Variants in CSTPP1 observed in about 807,000 individuals in gnomAD.
CSTPP1 encodes the protein centriolar satellite-associated tubulin polyglutamylase complex regulator 1, also known as UPF0705 protein C11orf49.
the CSTPP1 span, among the ~76,000 whole-genome samples, chr11:47,018,288 T>A: frequency 8.3e-6 from 1 of 120,632 alleles, no homozygotes; most frequent in East Asian, 2.5e-4. Flanking sequence ...TATGTTTAGC[T>A]TTTTTTTTTT....
At chr11:46,952,140 TCTTA>T in the CSTPP1 span, among the ~76,000 whole-genome samples, 1 of 152,226 alleles carries the variant, frequency 6.6e-6, no homozygotes, top group Non-Finnish European at 1.5e-5. Context: ...TTTCTTTCTT[TCTTA>T]CTTAATCCAA....
chr11:47,108,742 C>G, the CSTPP1 span, among the ~76,000 whole-genome samples: 8 of 134,458 alleles, frequency 5.9e-5, no homozygotes, highest in African/African-American at 2.0e-4. Context: ...AGTCTCACTG[C>G]GTCGCCCAGG....
chr11:47,101,236 G>T, the CSTPP1 span, among the ~76,000 whole-genome samples: 1 of 135,372 alleles, frequency 7.4e-6, no homozygotes, highest in Non-Finnish European at 1.5e-5. Context: ...GGTCAGGCTG[G>T]TCTTGAACTC....
chr11:46,960,020 C>T, the CSTPP1 span, among the ~76,000 whole-genome samples: 5 of 152,108 alleles, frequency 3.3e-5, no homozygotes, highest in African/African-American at 1.2e-4. Context: ...GCACATGCCA[C>T]CATACCTGGC....
the CSTPP1 span, chr11:46,936,702 C>T: frequency 6.5e-7 from 1 of 1,537,278 alleles, no homozygotes; most frequent in South Asian, 1.2e-5. Flanking sequence ...TCCTCCAGCT[C>T]CCGTCCCCCT....
the CSTPP1 span, among the ~76,000 whole-genome samples, chr11:47,069,888 G>A: frequency 6.6e-6 from 1 of 151,994 alleles, no homozygotes; most frequent in South Asian, 2.1e-4. Flanking sequence ...TAATTTTTGT[G>A]TTTTTAGTAG....
the CSTPP1 span, among the ~76,000 whole-genome samples, chr11:47,035,687 T>C: frequency 6.6e-6 from 1 of 152,308 alleles, no homozygotes; most frequent in African/African-American, 2.4e-5. Context: ...TAACTTTTTA[T>C]AACAGATTTG....
At chr11:47,034,357 G>T in the CSTPP1 span, among the ~76,000 whole-genome samples, 2 of 152,038 alleles carry the variant, frequency 1.3e-5, no homozygotes, top group African/African-American at 4.8e-5. Flanking sequence ...AAATAGTAGA[G>T]TTAGCCCATC....
the CSTPP1 span, among the ~76,000 whole-genome samples, chr11:47,070,088 G>A: frequency 6.6e-6 from 1 of 152,014 alleles, no homozygotes; most frequent in African/African-American, 2.4e-5. Context: ...ATTCTCTAAA[G>A]TAGATCTACC....
At chr11:47,050,009 T>C in the CSTPP1 span, among the ~76,000 whole-genome samples, 1 of 152,148 alleles carries the variant, frequency 6.6e-6, no homozygotes, top group Non-Finnish European at 1.5e-5. Context: ...CGTTAACATA[T>C]AGTGACTGTA....
chr11:47,105,564 T>C, the CSTPP1 span, among the ~76,000 whole-genome samples: 2 of 152,182 alleles, frequency 1.3e-5, no homozygotes, highest in Non-Finnish European at 1.5e-5. Context: ...ATTGAACACT[T>C]ACTGTGTCCT....
the CSTPP1 span, among the ~76,000 whole-genome samples, chr11:46,962,528 G>A: frequency 6.6e-6 from 1 of 152,144 alleles, no homozygotes; most frequent in South Asian, 2.1e-4. Context: ...TTTGTGGAGT[G>A]TGCCATTTAA....
the CSTPP1 span, among the ~76,000 whole-genome samples, chr11:47,124,065 A>G: frequency 7.0e-6 from 1 of 143,112 alleles, no homozygotes; most frequent in Non-Finnish European, 1.5e-5. Context: ...CGTCACAATT[A>G]TTGAGATTAA....
the CSTPP1 span, among the ~76,000 whole-genome samples, chr11:47,078,168 A>G: frequency 9.2e-5 from 14 of 152,218 alleles, no homozygotes; most frequent in African/African-American, 3.4e-4. Context: ...CAGTATAAAC[A>G]TATTATTTAA....
At chr11:46,960,586 C>T in the CSTPP1 span, among the ~76,000 whole-genome samples, 17 of 152,230 alleles carry the variant, frequency 1.1e-4, no homozygotes, top group South Asian at 1.9e-3. Flanking sequence ...GTTTGCTGGG[C>T]GCGGTGGCTA....
the CSTPP1 span, among the ~76,000 whole-genome samples, chr11:47,075,931 A>C: frequency 1.3e-5 from 2 of 149,738 alleles, no homozygotes; most frequent in African/African-American, 4.9e-5. Flanking sequence ...ATTCTCAAAA[A>C]AAAAAAAAAA....
the CSTPP1 span, among the ~76,000 whole-genome samples, chr11:46,958,595 C>T: frequency 6.6e-6 from 1 of 152,150 alleles, no homozygotes; most frequent in Admixed American, 6.5e-5. Flanking sequence ...CAAGTGTGAG[C>T]CACTATACCC....
At chr11:47,059,446 G>A in the CSTPP1 span, among the ~76,000 whole-genome samples, 13 of 152,188 alleles carry the variant, frequency 8.5e-5, no homozygotes, top group Admixed American at 2.0e-4. Context: ...TTCCATAATA[G>A]CACAAGGGAG....
At chr11:47,050,217 G>C in the CSTPP1 span, among the ~76,000 whole-genome samples, 1 of 152,144 alleles carries the variant, frequency 6.6e-6, no homozygotes, top group Non-Finnish European at 1.5e-5. Flanking sequence ...GTAAGATATA[G>C]ACTTTCAATA....
Sources: gnomAD v4.1 joint callset for allele counts (sites outside exome capture counted in the v4.1 genomes callset) on GRCh38, gnomAD v4.1.1 for gene constraint, MANE v1.5 for transcripts, NCBI Gene and HGNC (gene_info 2026-07-23, HGNC 2026-07-21) for gene names.